Variants in BRWD1 observed in about 807,000 individuals in gnomAD.
BRWD1 encodes bromodomain and WD repeat domain containing 1.
Under a neutral mutation model 251.2 loss-of-function variants are expected in BRWD1, and 82 were observed. The ratio of observed to expected loss-of-function variants is 0.33; its 90% CI spans 0.27 to 0.39. The LOEUF (loss-of-function observed/expected upper bound fraction) is 0.39. Ranked by LOEUF, BRWD1 falls within the 10% of genes least tolerant of loss-of-function variation. The probability of loss-of-function intolerance (pLI) is 1.00; values close to 1 mark genes in which losing one functional copy is unlikely to be tolerated. For missense variants in BRWD1, 2,233 were observed against 2,711.6 expected (o/e 0.82, Z 3.92); for synonymous variants, 918 against 902.8 (o/e 1.02, Z -0.30).
chr21:39,317,766 C>T (rs181100486), upstream of BRWD1, among the ~76,000 whole-genome samples: 1 of 152,338 alleles, frequency 6.6e-6, no homozygotes, highest in East Asian at 1.9e-4. Flanking sequence ...AATGAGGAAA[C>T]TAGTCTGGGC....
chr21:39,313,227 G>C lies in BRWD1; in HGVS notation c.108+14C>G, dbSNP rs753235653. On this transcript the variant is annotated intron_variant, in intron 2 of 40. Coordinates refer to ENST00000342449, the MANE Select transcript of BRWD1 (RefSeq NM_033656.4). Reference sequence around the variant, plus strand: ...GGACGCCAAGTCCGCAGCCGCCCGCGGGCCCGCACTCACCTGGGCCGCTCT... The same window carrying C: ...GGACGCCAAGTCCGCAGCCGCCCGCCGGCCCGCACTCACCTGGGCCGCTCT... The C allele has an allele frequency of 6.6e-7, 1 of 1,526,434 alleles. No individual in the cohort carries two copies. Among genetic ancestry groups the C allele is most frequent in the African/African-American group, 1.4e-5 (1 of 69,540 alleles). 94.6% of individuals were successfully genotyped at this position (1,526,434 alleles called of 1,614,324 possible).
At position 39,289,950 on chromosome 21, in the gene BRWD1, G is replaced by A. The variant is rs369823356; in HGVS notation, c.831+3861C>T. Among the ~76,000 whole-genome samples, 51 of 150,684 alleles carry A rather than the reference G, an allele frequency of 3.4e-4. 1 individual carries two copies. The South Asian group carries it at 0.011, about 31-fold the overall frequency. ...TGAGGCAGGAGAATGGCGTGAACCC[G>A]GGAGCCAGAGCTTGCAGTGAGCCGA... On this transcript the variant is annotated intron_variant, in intron 8 of 40. Coordinates refer to ENST00000342449, the MANE Select transcript of BRWD1 (RefSeq NM_033656.4).
chr21:39,216,011 AAAAC>A (rs2032876830), intron 31 of BRWD1, among the ~76,000 whole-genome samples: 1 of 152,136 alleles, frequency 6.6e-6, no homozygotes, highest in African/African-American at 2.4e-5. Context: ...AACAAACAAA[AAAAC>A]AAACAAAAAC....
At chr21:39,211,019 A>C (rs2032632886) in intron 34 of BRWD1, 90 bp from the exon 35 acceptor site, 4 of 1,316,690 alleles carry the variant, frequency 3.0e-6, no homozygotes, top group Non-Finnish European at 4.1e-6. Flanking sequence ...TTCTATAAAA[A>C]TACAATAATG....
At chr21:39,229,515 A>C (rs1413437509) in intron 25 of BRWD1, 79 bp from the exon 26 acceptor site, 1 of 1,347,866 alleles carries the variant, frequency 7.4e-7, no homozygotes, top group African/African-American at 1.5e-5. Context: ...TGTTATATTA[A>C]GTAAACTCAT....
chr21:39,269,699 TC>T (rs1336399072), intron 15 of BRWD1, among the ~76,000 whole-genome samples, 199 bp downstream of exon 15: 6 of 152,174 alleles, frequency 3.9e-5, no homozygotes, highest in African/African-American at 1.4e-4. Context: ...AATGTCTCCC[TC>T]ATATAAATCA....
intron 8 of BRWD1, among the ~76,000 whole-genome samples, chr21:39,289,244 G>A (rs1271244246): frequency 6.6e-6 from 1 of 151,798 alleles, no homozygotes; most frequent in Non-Finnish European, 1.5e-5. Flanking sequence ...CTATACTTTT[G>A]GCTGTTATTC....
In BRWD1 at chr21:39,270,433, C is replaced by A; in HGVS notation, c.1245G>T (p.Gly415=). ...ILLDMATRIS[G]DLSSEEERFM... is the part of the protein sequence containing the mutation. The stretch of plus-strand genomic sequence containing the variant: ...ACCTTTCCTCTTCGGAAGATAAGTC[C>A]CTAACAAAAAAATACACAACATGTA... The change falls in exon 14 of 41, where the codon GGG becomes GGT. Residue 415 remains glycine, a splice_region_variant and synonymous_variant. Coordinates refer to ENST00000342449, the MANE Select transcript of BRWD1 (RefSeq NM_033656.4). 6.3e-7 allele frequency: 1 copy of A among 1,598,448 alleles called. No individual in the cohort carries two copies. The highest frequency in any genetic ancestry group is 8.5e-7 in the Non-Finnish European group (1 of 1,173,442).
intron 19 of BRWD1, among the ~76,000 whole-genome samples, chr21:39,252,775 T>C (rs2034438121): frequency 6.6e-6 from 1 of 151,334 alleles, no homozygotes; most frequent in African/African-American, 2.4e-5. Flanking sequence ...TTACCTACTC[T>C]CCTCCTTAGC....
intron 21 of BRWD1, among the ~76,000 whole-genome samples, chr21:39,244,133 G>A (rs2034098333): frequency 6.6e-6 from 1 of 151,348 alleles, no homozygotes; most frequent in Admixed American, 6.6e-5. Flanking sequence ...GCGCGATCTC[G>A]GCTCACTGCA....
At chr21:39,319,575 C>G (rs545563543) in intron 1 of BRWD1, among the ~76,000 whole-genome samples, 6 of 152,302 alleles carry the variant, frequency 3.9e-5, no homozygotes, top group African/African-American at 2.4e-5. Flanking sequence ...AGCATGACAA[C>G]TAATAACATT....
rs1046927315 is a variant in BRWD1 at position 39,196,211 on chromosome 21, A to G, written c.*48T>C. On this transcript the variant is annotated 3_prime_UTR_variant, in exon 41 of 41. Transcript: ENST00000342449. ...ATAATTTTAACAGCCAGCTTTCACC[A>G]TAAATGCCAGTCCATTTCCTCTTAA... 10 of 1,504,424 alleles carry G rather than the reference A, an allele frequency of 6.6e-6. No individual in the cohort carries two copies. Among genetic ancestry groups the G allele is most frequent in the Non-Finnish European group, 8.0e-6 (9 of 1,131,302 alleles). 93.2% of individuals were successfully genotyped at this position (1,504,424 alleles called of 1,614,324 possible).
At position 39,191,909 on chromosome 21, in the gene BRWD1, T is replaced by C. The variant is rs2031573691; in HGVS notation, c.*4350A>G. The C allele has an allele frequency of 3.1e-6, 3 of 983,028 alleles. No individual in the cohort carries two copies. The highest frequency in any genetic ancestry group is 3.6e-6 in the Non-Finnish European group (3 of 827,952). The allele number at this position is 983,028 out of a possible 1,614,324, so 60.9% of individuals were successfully genotyped here. A position where few individuals can be genotyped will look rare whatever the true frequency, so the allele number is the denominator to read the frequency against. On this transcript the variant is annotated 3_prime_UTR_variant, in exon 41 of 41. Transcript: ENST00000342449. The stretch of plus-strand genomic sequence containing the variant: ...ACCAGAAAGTATACCATAGCATTGA[T>C]AATTAAATTCAAACTATTGGTCTTG...
chr21:39,207,477 CACACACAA>C (rs1255263816), intron 36 of BRWD1, among the ~76,000 whole-genome samples: 54 of 150,522 alleles, frequency 3.6e-4, no homozygotes, highest in African/African-American at 1.1e-3. Flanking sequence ...CACACACACA[CACACACAA>C]ACAAAACTCC....
At chr21:39,184,874 T>G (rs1490066367), downstream of BRWD1, 1 of 152,194 alleles carries the variant, frequency 6.6e-6, no homozygotes, top group East Asian at 1.9e-4. Flanking sequence ...ATGATGGAAC[T>G]GCAGAATAAA....
In BRWD1 at chr21:39,313,428, G is replaced by C; in HGVS notation, c.49+15C>G. 1 of 1,430,184 alleles carries C rather than the reference G, an allele frequency of 7.0e-7. No individual in the cohort carries two copies. The highest frequency in any genetic ancestry group is 9.1e-7 in the Non-Finnish European group (1 of 1,094,712). The allele number at this position is 1,430,184 out of a possible 1,614,324, so 88.6% of individuals were successfully genotyped here. On this transcript the variant is annotated intron_variant, in intron 1 of 40. Coordinates refer to ENST00000342449, the MANE Select transcript of BRWD1 (RefSeq NM_033656.4). ...GGGAGCGCCAGGGCGGGGGTGGCAC[G>C]GCCTCGCGTCTTACCCGACTCGATG...
At chr21:39,268,813 C>T (rs2035009371) in intron 15 of BRWD1, among the ~76,000 whole-genome samples, 1 of 151,938 alleles carries the variant, frequency 6.6e-6, no homozygotes, top group Admixed American at 6.6e-5. Flanking sequence ...GGTGAAACCC[C>T]GTCTCTACTA....
chr21:39,286,329 T>C (rs1368426237), intron 8 of BRWD1, among the ~76,000 whole-genome samples: 1 of 151,732 alleles, frequency 6.6e-6, no homozygotes, highest in African/African-American at 2.4e-5. Flanking sequence ...ATATGAACCA[T>C]TTTAAAGTCA....
At chr21:39,263,123 C>G (rs1336820892) in intron 17 of BRWD1, among the ~76,000 whole-genome samples, 2 of 152,062 alleles carry the variant, frequency 1.3e-5, no homozygotes, top group Non-Finnish European at 1.5e-5. Flanking sequence ...AACACACATA[C>G]ACTTGAATTG....
Sources: allele counts gnomAD v4.1 joint callset (sites outside exome capture counted in the v4.1 genomes callset), GRCh38; gene constraint gnomAD v4.1.1; transcripts MANE v1.5; gene names NCBI Gene and HGNC (gene_info 2026-07-23, HGNC 2026-07-21).